The following UBXN2A variants were observed in gnomAD, a reference collection of about 807,000 sequenced individuals.
The protein encoded by UBXN2A is UBX domain-containing protein 2A.
UBXN2A carries 28 observed loss-of-function variants against 28.4 expected under a neutral mutation model. That is an observed-to-expected ratio of 0.99 (90% CI 0.73 to 1.35). The LOEUF (loss-of-function observed/expected upper bound fraction) is 1.35. Ranked by LOEUF, UBXN2A falls within the 40% of genes most tolerant of loss-of-function variation. UBXN2A has a pLI of 0.00. For missense variants in UBXN2A, 253 were observed against 297.9 expected, an observed-to-expected ratio of 0.85 and a Z score of 1.11; for synonymous variants, 97 against 103.6, an observed-to-expected ratio of 0.94 and a Z score of 0.39.
At chr2:23,997,925 C>T (rs1222322428) in intron 6 of UBXN2A, among the ~76,000 whole-genome samples, 2 of 151,872 alleles carry the variant, frequency 1.3e-5, no homozygotes, top group East Asian at 3.9e-4. Flanking sequence ...GATTCTCCTG[C>T]CTCAGCCTCC....
intron 2 of UBXN2A, among the ~76,000 whole-genome samples, chr2:23,968,326 G>A (rs1707257773): frequency 6.6e-6 from 1 of 152,146 alleles, no homozygotes; most frequent in Non-Finnish European, 1.5e-5. Context: ...TTCTTTATAA[G>A]ATGTCATGGT....
chr2:23,941,177 T>A (rs775172880), intron 1 of UBXN2A, among the ~76,000 whole-genome samples: 5 of 152,150 alleles, frequency 3.3e-5, no homozygotes, highest in Non-Finnish European at 7.4e-5. Flanking sequence ...GTTTATTACT[T>A]GTCAGCAATG....
At chr2:23,973,566 C>A (rs760089401) in intron 3 of UBXN2A, among the ~76,000 whole-genome samples, 5 of 151,748 alleles carry the variant, frequency 3.3e-5, no homozygotes, top group Non-Finnish European at 5.9e-5. Flanking sequence ...TTTCAATCTC[C>A]TGACCTCGTG....
chr2:23,981,697 C>T (rs1265522296), intron 4 of UBXN2A, among the ~76,000 whole-genome samples: 3 of 151,242 alleles, frequency 2.0e-5, no homozygotes, highest in Non-Finnish European at 4.4e-5. Flanking sequence ...AGCTCAGGAC[C>T]AGCCTGGGCA....
intron 3 of UBXN2A, among the ~76,000 whole-genome samples, chr2:23,974,320 A>C (rs1707558546): frequency 6.7e-6 from 1 of 148,532 alleles, no homozygotes; most frequent in Non-Finnish European, 1.5e-5. Flanking sequence ...CCTGGCCAAA[A>C]AATGATAAAT....
intron 1 of UBXN2A, among the ~76,000 whole-genome samples, chr2:23,945,405 A>G (rs1289424759): frequency 2.0e-5 from 3 of 152,244 alleles, no homozygotes; most frequent in Non-Finnish European, 4.4e-5. Flanking sequence ...CACTTAGTAT[A>G]TAGTAAACCA....
intron 5 of UBXN2A, 105 bp from the exon 6 acceptor site, chr2:23,984,568 C>T: frequency 2.0e-6 from 2 of 989,962 alleles, no homozygotes; most frequent in Non-Finnish European, 2.7e-6. Flanking sequence ...CTTAAAAAAT[C>T]TTCCTTAAAG....
chr2:23,964,064 C>A (rs1362472962), intron 2 of UBXN2A, among the ~76,000 whole-genome samples: 1 of 150,974 alleles, frequency 6.6e-6, no homozygotes, highest in Non-Finnish European at 1.5e-5. Flanking sequence ...CCTAGGAGTT[C>A]TAGGCTGCAG....
chr2:23,927,639 G>GGC (rs1553465189), intron 1 of UBXN2A: 1 of 127,192 alleles, frequency 7.9e-6, no homozygotes, highest in Non-Finnish European at 1.7e-5. Context: ...GAGAAGGGGG[G>GGC]GGGGAAACAC....
intron 6 of UBXN2A, among the ~76,000 whole-genome samples, chr2:23,997,820 T>C (rs1200350216): frequency 6.6e-6 from 1 of 150,952 alleles, no homozygotes; most frequent in Non-Finnish European, 1.5e-5. Flanking sequence ...ATTTTCTTTT[T>C]TTTTTTTTTA....
At chr2:23,941,671 CA>C (rs895839549) in intron 1 of UBXN2A, among the ~76,000 whole-genome samples, 5 of 151,962 alleles carry the variant, frequency 3.3e-5, no homozygotes, top group Non-Finnish European at 7.4e-5. Flanking sequence ...TTTTTTCATT[CA>C]AAAAAATTTT....
chr2:23,953,640 A>G lies in UBXN2A; in HGVS notation c.-14-4661A>G, dbSNP rs189640591. 4.6e-5 allele frequency among the ~76,000 whole-genome samples: 7 copies of G among 152,318 alleles called. No homozygotes were observed. The East Asian group carries it at 1.3e-3, about 29-fold the overall frequency. On this transcript the variant is annotated intron_variant, in intron 1 of 6. Transcript: ENST00000309033. ...AAATATGGTCCATACATTGTAATAC[A>G]TTGATATATTTCTGAAATATTTAAA...
At chr2:23,953,758 T>C (rs1415717635) in intron 1 of UBXN2A, among the ~76,000 whole-genome samples, 3 of 152,222 alleles carry the variant, frequency 2.0e-5, no homozygotes, top group South Asian at 2.1e-4. Context: ...TTCTGGACTT[T>C]GTTGATTGCA....
chr2:23,953,979 C>A (rs181795799), intron 1 of UBXN2A, among the ~76,000 whole-genome samples: 1 of 152,242 alleles, frequency 6.6e-6, no homozygotes, highest in African/African-American at 2.4e-5. Flanking sequence ...TTCATTATTG[C>A]ATTAGCAGTT....
At chr2:23,945,956 G>T (rs750295402) in intron 1 of UBXN2A, among the ~76,000 whole-genome samples, 1 of 151,260 alleles carries the variant, frequency 6.6e-6, no homozygotes, top group African/African-American at 2.4e-5. Flanking sequence ...TCAGCCTCCC[G>T]AGTAGCTGGG....
At chr2:23,997,782 A>G (rs1419072450) in intron 6 of UBXN2A, among the ~76,000 whole-genome samples, 1 of 143,338 alleles carries the variant, frequency 7.0e-6, no homozygotes, top group African/African-American at 2.6e-5. Flanking sequence ...TTTTGATTTT[A>G]TTAGTTTTGC....
chr2:23,930,532 A>G (rs1705336298), intron 1 of UBXN2A, among the ~76,000 whole-genome samples: 1 of 152,164 alleles, frequency 6.6e-6, no homozygotes, highest in South Asian at 2.1e-4. Context: ...TACGTGTTGA[A>G]CCACAAAATT....
chr2:23,948,006 C>G (rs1019113237), intron 1 of UBXN2A, among the ~76,000 whole-genome samples: 5 of 151,734 alleles, frequency 3.3e-5, no homozygotes, highest in Non-Finnish European at 7.4e-5. Flanking sequence ...AGGTGCCCAC[C>G]ACCATGCACG....
intron 1 of UBXN2A, among the ~76,000 whole-genome samples, chr2:23,942,793 A>G (rs1705833431): frequency 6.6e-6 from 1 of 152,062 alleles, no homozygotes; most frequent in South Asian, 2.1e-4. Context: ...TTAAACTTTT[A>G]TAGAAAACTT....
Sources: allele counts gnomAD v4.1 joint callset (sites outside exome capture counted in the v4.1 genomes callset), GRCh38; gene constraint gnomAD v4.1.1; transcripts MANE v1.5; gene names NCBI Gene and HGNC (gene_info 2026-07-23, HGNC 2026-07-21).